The following ETV6 variants were observed in gnomAD, a reference collection of about 807,000 sequenced individuals.
ETV6 encodes the protein transcription factor ETV6.
ETV6 carries 16 observed loss-of-function variants against 51.1 expected under a neutral mutation model. The ratio of observed to expected loss-of-function variants is 0.31; its 90% CI spans 0.21 to 0.48. ETV6 has a LOEUF of 0.48. Among genes scored for constraint, ETV6 ranks in the 20% least tolerant of loss-of-function variants. The pLI is 0.99. For missense variants in ETV6, 458 were observed against 594.8 expected (o/e 0.77, Z 2.39); for synonymous variants, 240 against 224.1 (o/e 1.07, Z -0.64).
chr12:11,873,006 C>T (rs2710296), intron 5 of ETV6, among the ~76,000 whole-genome samples: 2,023 of 152,210 alleles, frequency 0.013, 24 homozygotes, highest in Middle Eastern at 0.1. Flanking sequence ...TGTAAAATAA[C>T]CCTGGGGCCT....
chr12:11,754,271 A>G (rs3782135), intron 2 of ETV6, among the ~76,000 whole-genome samples: 15 of 152,166 alleles, frequency 9.9e-5, no homozygotes, highest in African/African-American at 3.6e-4. Flanking sequence ...ACAAAGCAGA[A>G]AAAACTCCCC....
intron 2 of ETV6, among the ~76,000 whole-genome samples, chr12:11,764,205 A>G (rs1488433610): frequency 6.6e-6 from 1 of 152,204 alleles, no homozygotes; most frequent in Non-Finnish European, 1.5e-5. Flanking sequence ...TTTGAAGTGG[A>G]AGGACCGTGG....
At chr12:11,737,850 C>T (rs1865733403) in intron 1 of ETV6, among the ~76,000 whole-genome samples, 1 of 152,184 alleles carries the variant, frequency 6.6e-6, no homozygotes, top group Admixed American at 6.5e-5. Flanking sequence ...GACTGAGACT[C>T]AGATCTGCCC....
rs757375701 is a variant in ETV6 at position 11,853,444 on chromosome 12, C to T, written c.346C>T (p.Leu116Phe). The T allele has an allele frequency of 6.2e-7, 1 of 1,614,090 alleles. No homozygotes were observed. The highest frequency in any genetic ancestry group is 1.3e-5 in the African/African-American group (1 of 74,928). Residue 116 changes from leucine to phenylalanine, a missense_variant, in exon 4 of 8, where the codon CTC becomes TTC. By Grantham distance (22) the Leu-to-Phe change is conservative. Coordinates refer to ENST00000396373, the MANE Select transcript of ETV6 (RefSeq NM_001987.5). ...SPHSGDVLYE[L>F]LQHILKQRKP... ...CTTTCCAGGTGATGTGCTCTATGAA[C>T]TCCTTCAGCATATTCTGAAGCAGAG...
chr12:11,887,483 C>T (rs541214508), intron 7 of ETV6, among the ~76,000 whole-genome samples: 54 of 152,092 alleles, frequency 3.6e-4, no homozygotes, highest in African/African-American at 1.3e-3. Flanking sequence ...GGCATGATGG[C>T]TCACACCTGT....
At chr12:11,688,740 A>G (rs543101207) in intron 1 of ETV6, among the ~76,000 whole-genome samples, 3 of 152,156 alleles carry the variant, frequency 2.0e-5, no homozygotes, top group Non-Finnish European at 4.4e-5. Context: ...CCCTACTAAG[A>G]TAACCATAGC....
chr12:11,883,467 G>A (rs940554733), intron 5 of ETV6, among the ~76,000 whole-genome samples: 2 of 151,542 alleles, frequency 1.3e-5, no homozygotes, highest in African/African-American at 4.9e-5. Flanking sequence ...CTAAGTTTTT[G>A]TATTTTTAGT....
chr12:11,655,314 G>A (rs1237306474), intron 1 of ETV6, among the ~76,000 whole-genome samples: 2 of 152,144 alleles, frequency 1.3e-5, no homozygotes, highest in African/African-American at 4.8e-5. Flanking sequence ...GTTGTTAGAT[G>A]TGTGTTGGGA....
chr12:11,827,113 A>ACACAC (rs1555139020), intron 2 of ETV6, among the ~76,000 whole-genome samples: 1 of 117,058 alleles, frequency 8.5e-6, no homozygotes, highest in Non-Finnish European at 1.9e-5. Context: ...CACACACACA[A>ACACAC]ATGCAACACA....
intron 1 of ETV6, among the ~76,000 whole-genome samples, chr12:11,671,336 A>G (rs1864309284): frequency 6.6e-6 from 1 of 152,164 alleles, no homozygotes; most frequent in African/African-American, 2.4e-5. Context: ...CAACTATCCA[A>G]TCAGTTCTGA....
At chr12:11,659,151 G>A (rs1184280837) in intron 1 of ETV6, among the ~76,000 whole-genome samples, 1 of 152,334 alleles carries the variant, frequency 6.6e-6, no homozygotes, top group East Asian at 1.9e-4. Context: ...TTATACAGAA[G>A]AGTTTGAAAA....
intron 1 of ETV6, among the ~76,000 whole-genome samples, chr12:11,740,947 G>GTGTCTCCTCTTTTATCTT: frequency 6.6e-6 from 1 of 152,198 alleles, no homozygotes; most frequent in Non-Finnish European, 1.5e-5. Flanking sequence ...TTCTACATCT[G>GTGTCTCCTCTTTTATCTT]TGAGGTAGGT....
At chr12:11,660,852 G>C (rs1864088397) in intron 1 of ETV6, among the ~76,000 whole-genome samples, 2 of 152,124 alleles carry the variant, frequency 1.3e-5, no homozygotes, top group Admixed American at 1.3e-4. Flanking sequence ...ATTGACCTGG[G>C]ATCACAGACC....
At chr12:11,672,460 C>A (rs1283518167) in intron 1 of ETV6, among the ~76,000 whole-genome samples, 1 of 152,156 alleles carries the variant, frequency 6.6e-6, no homozygotes, top group Non-Finnish European at 1.5e-5. Context: ...AGGTGATTTA[C>A]GCTCTTGCCA....
chr12:11,740,075 C>T (rs914197397), intron 1 of ETV6, among the ~76,000 whole-genome samples: 1 of 152,206 alleles, frequency 6.6e-6, no homozygotes, highest in African/African-American at 2.4e-5. Flanking sequence ...TGCATTTTCA[C>T]CCACTCAGAA....
intron 1 of ETV6, among the ~76,000 whole-genome samples, chr12:11,741,173 A>T (rs1156680606): frequency 6.6e-6 from 1 of 152,188 alleles, no homozygotes; most frequent in African/African-American, 2.4e-5. Flanking sequence ...TAAAGACCGA[A>T]CCATGGTAAG....
chr12:11,798,336 T>C (rs987936133), intron 2 of ETV6, among the ~76,000 whole-genome samples: 16 of 152,172 alleles, frequency 1.1e-4, no homozygotes, highest in African/African-American at 3.6e-4. Flanking sequence ...GAAAGTGATG[T>C]GCTGAGGGAT....
intron 2 of ETV6, among the ~76,000 whole-genome samples, chr12:11,822,136 C>A (rs1321872301): frequency 6.6e-6 from 1 of 152,188 alleles, no homozygotes; most frequent in Non-Finnish European, 1.5e-5. Flanking sequence ...GTCTCATTCA[C>A]CTTGACATGC....
chr12:11,765,841 C>T (rs959086442), intron 2 of ETV6, among the ~76,000 whole-genome samples: 4 of 152,252 alleles, frequency 2.6e-5, no homozygotes, highest in African/African-American at 9.6e-5. Flanking sequence ...AGCCTTTCTG[C>T]CAGAAGTCTC....
Sources: gnomAD v4.1 joint callset for allele counts (sites outside exome capture counted in the v4.1 genomes callset) on GRCh38, gnomAD v4.1.1 for gene constraint, MANE v1.5 for transcripts, NCBI Gene and HGNC (gene_info 2026-07-23, HGNC 2026-07-21) for gene names.